ZNF254: variants seen among roughly 807,000 people sequenced by gnomAD.
ZNF254 encodes zinc finger protein 254.
In ZNF254, 10 loss-of-function variants were observed where a neutral mutation model predicts 12.4. The observed-to-expected ratio is 0.80, with a 90% CI of 0.50 to 1.36. The LOEUF (loss-of-function observed/expected upper bound fraction) is 1.36. ZNF254 is among the 40% of genes most tolerant of loss of function. The pLI is 0.00. For synonymous variants in ZNF254, 305 were observed against 253.4 expected (o/e 1.20, Z -1.93); for missense variants, 996 against 763.9 (o/e 1.30, Z -3.58).
chr19:24,067,693 G>A (rs1374141621), intron 2 of ZNF254, among the ~76,000 whole-genome samples: 2 of 151,822 alleles, frequency 1.3e-5, no homozygotes, highest in African/African-American at 4.8e-5. Flanking sequence ...TAGGTGATAC[G>A]ACCCTTCCTC....
At chr19:24,059,648 C>T (rs1374642588) in intron 2 of ZNF254, among the ~76,000 whole-genome samples, 2 of 136,456 alleles carry the variant, frequency 1.5e-5, no homozygotes, top group African/African-American at 5.5e-5. Flanking sequence ...GCACTGGGGC[C>T]ACAACCTAGG....
upstream of ZNF254, among the ~76,000 whole-genome samples, chr19:24,085,423 TATAA>T (rs983211773): frequency 1.6e-4 from 21 of 134,488 alleles, 2 homozygotes; most frequent in African/African-American, 4.7e-4. Context: ...TATATATATA[TATAA>T]AAACTAAGAT....
intron 3 of ZNF254, chr19:24,106,950 G>A: frequency 2.4e-6 from 1 of 418,636 alleles, no homozygotes; most frequent in South Asian, 5.2e-5. Flanking sequence ...AGACAGATCT[G>A]TCTCCATAAT....
At chr19:24,105,766 G>A in intron 1 of ZNF254, 174 bp from the exon 2 acceptor site, 1 of 1,077,454 alleles carries the variant, frequency 9.3e-7, no homozygotes, top group South Asian at 1.6e-5. Flanking sequence ...TATTTTCTCA[G>A]AGTTAGAGAA....
At chr19:24,106,720 T>A in intron 3 of ZNF254, 77 bp downstream of exon 3, 1 of 1,274,130 alleles carries the variant, frequency 7.8e-7, no homozygotes, top group Non-Finnish European at 1.1e-6. Flanking sequence ...TTAAAGTGAT[T>A]TAAGAAGCTG....
intron 3 of ZNF254, chr19:24,107,262 A>G: frequency 1.6e-6 from 1 of 644,856 alleles, no homozygotes; most frequent in South Asian, 1.7e-5. Flanking sequence ...AATTTTGATA[A>G]GGAGTTCTTT....
At chr19:24,087,041 C>T (rs1857817320), upstream of ZNF254, 1 of 421,618 alleles carries the variant, frequency 2.4e-6, no homozygotes, top group African/African-American at 2.0e-5. Flanking sequence ...ACTCTTTCTT[C>T]AGCCTAGGGT....
intron 1 of ZNF254, among the ~76,000 whole-genome samples, chr19:24,088,384 A>G (rs1972160149): frequency 6.6e-6 from 1 of 152,002 alleles, no homozygotes; most frequent in South Asian, 2.1e-4. Context: ...GACTAGAGCC[A>G]CCTCAATCTA....
At chr19:24,112,467 T>G (rs1230546993) in intron 3 of ZNF254, among the ~76,000 whole-genome samples, 1 of 149,086 alleles carries the variant, frequency 6.7e-6, no homozygotes, top group Non-Finnish European at 1.5e-5. Context: ...TTTAAAGTAG[T>G]TTTTTCCAAT....
chr19:24,108,583 G>A (rs1379612680), intron 3 of ZNF254, among the ~76,000 whole-genome samples: 2 of 152,234 alleles, frequency 1.3e-5, no homozygotes, highest in East Asian at 1.9e-4. Context: ...CAACTTTCAT[G>A]TACCATGTAG....
chr19:24,086,392 G>GC (rs1393892964), upstream of ZNF254, among the ~76,000 whole-genome samples: 1 of 151,904 alleles, frequency 6.6e-6, no homozygotes, highest in Non-Finnish European at 1.5e-5. Context: ...TGCAACCTCA[G>GC]CCCCCCGGGT....
At chr19:24,080,311 C>T (rs1381336180) in intron 2 of ZNF254, 4 of 152,230 alleles carry the variant, frequency 2.6e-5, no homozygotes, top group Non-Finnish European at 4.4e-5. Flanking sequence ...GTCCGAGTCA[C>T]TGTGCCTTGG....
intron 1 of ZNF254, among the ~76,000 whole-genome samples, chr19:24,101,821 G>A (rs1443760226): frequency 6.6e-6 from 1 of 152,170 alleles, no homozygotes; most frequent in African/African-American, 2.4e-5. Context: ...AATTGTGTCA[G>A]GCTGACAAGA....
At chr19:24,056,615 T>G (rs1970866982) in intron 2 of ZNF254, among the ~76,000 whole-genome samples, 1 of 152,154 alleles carries the variant, frequency 6.6e-6, no homozygotes, top group Non-Finnish European at 1.5e-5. Context: ...TGACATATCT[T>G]TAAGAGCATC....
chr19:24,107,360 CCT>C (rs1039643029), intron 3 of ZNF254: 17 of 422,714 alleles, frequency 4.0e-5, no homozygotes, highest in African/African-American at 2.5e-4. Flanking sequence ...TTATTAGTGT[CCT>C]CTCTAATTTT....
At chr19:24,075,487 G>A (rs375550664) in intron 2 of ZNF254, among the ~76,000 whole-genome samples, 53 of 152,274 alleles carry the variant, frequency 3.5e-4, no homozygotes, top group African/African-American at 8.9e-4. Flanking sequence ...CCCCCGAGCC[G>A]CAAAACCAGC....
At chr19:24,054,229 T>C (rs1320814662) in intron 2 of ZNF254, among the ~76,000 whole-genome samples, 2 of 152,148 alleles carry the variant, frequency 1.3e-5, no homozygotes, top group East Asian at 1.9e-4. Context: ...CCAGGTGATA[T>C]GACACTCCTG....
chr19:24,113,880 A>G (rs564120718), intron 3 of ZNF254, among the ~76,000 whole-genome samples: 4 of 152,312 alleles, frequency 2.6e-5, no homozygotes, highest in East Asian at 3.9e-4. Flanking sequence ...AAGCATTCTT[A>G]TACACCAATA....
chr19:24,084,923 G>A (rs1971970329), upstream of ZNF254, among the ~76,000 whole-genome samples: 1 of 140,608 alleles, frequency 7.1e-6, no homozygotes, highest in Admixed American at 7.2e-5. Flanking sequence ...CATCATGAGT[G>A]ACCACAATCT....
Sources: allele counts gnomAD v4.1 joint callset (sites outside exome capture counted in the v4.1 genomes callset), GRCh38; gene constraint gnomAD v4.1.1; transcripts MANE v1.5; gene names NCBI Gene and HGNC (gene_info 2026-07-23, HGNC 2026-07-21).